RPS6KB2: variants seen among roughly 807,000 people sequenced by gnomAD.
The protein encoded by RPS6KB2 is ribosomal protein S6 kinase beta-2.
RPS6KB2 carries 51 observed loss-of-function variants against 58.2 expected under a neutral mutation model. That is an observed-to-expected ratio of 0.88 (90% CI 0.70 to 1.11). The LOEUF is 1.11. Ranked by LOEUF, RPS6KB2 falls within the 50% of genes least tolerant of loss-of-function variation. RPS6KB2 has a pLI of 0.00. For missense variants in RPS6KB2, 671 were observed against 655.8 expected, an observed-to-expected ratio of 1.02 and a Z score of -0.25; for synonymous variants, 293 against 258.6, an observed-to-expected ratio of 1.13 and a Z score of -1.28.
Position 67,433,148 on chromosome 11 carries a change from A to C in RPS6KB2, c.730A>C (p.Ser244Arg). ...CAGGGCCCCTGAGATTCTGGTGCGC[A>C]GTGGCCACAACCGGGCTGTGGACTG... ...EYMAPEILVR[S>R]GHNRAVDWWS... The change falls in exon 9 of 15, where the codon AGT becomes CGT. Residue 244 changes from serine (S) to arginine (R), a missense_variant. Ser to Arg is a moderately radical substitution (Grantham distance 110). Coordinates refer to ENST00000312629, the MANE Select transcript of RPS6KB2 (RefSeq NM_003952.3). 6.2e-7 allele frequency: 1 copy of C among 1,604,304 alleles called. No homozygotes were observed.
In RPS6KB2 at chr11:67,435,129, C is replaced by T. The variant is rs779262747; in HGVS notation, c.1409C>T (p.Thr470Ile). Residue 470 changes from threonine (T) to isoleucine (I), a missense_variant, in exon 15 of 15, where the codon ACC becomes ATC. Physicochemically the swap from Thr to Ile is moderately conservative, Grantham distance 89. Transcript: ENST00000312629. ...CTCCCCATCCGTCCCCCCTCAGGGA[C>T]CAAGAAGTCCAAGAGGGGCCGTGGG... ...APLPIRPPSG[T>I]KKSKRGRGRP... is the part of the protein sequence containing the mutation. 6.2e-7 allele frequency: 1 copy of T among 1,600,588 alleles called. No homozygotes were observed. The highest frequency in any genetic ancestry group is 1.1e-5 in the South Asian group (1 of 90,490).
chr11:67,429,534 A>G lies in RPS6KB2; in HGVS notation c.248A>G (p.Gln83Arg). 6.2e-7 allele frequency: 1 copy of G among 1,612,992 alleles called. No homozygotes were observed. The highest frequency in any genetic ancestry group is 8.5e-7 in the Non-Finnish European group (1 of 1,179,628). The change falls in exon 4 of 15, where the codon CAG becomes CGG. Residue 83 changes from glutamine (Q) to arginine (R), a missense_variant. Transcript: ENST00000312629. ...GTCTCCCCTGCCCTACAGGTGTTCC[A>G]GGTGCGAAAGGTGCAAGGCACCAAC... ...LGKGGYGKVF[Q>R]VRKVQGTNLG... is the part of the protein sequence containing the mutation.
chr11:67,433,924 G>T, intron 10 of RPS6KB2, 71 bp from the exon 11 acceptor site: 1 of 1,559,174 alleles, frequency 6.4e-7, no homozygotes, highest in Non-Finnish European at 8.8e-7. Context: ...CCCTACTCCA[G>T]CTAGCCCTGG....
chr11:67,428,654 C>T (rs1353307100), intron 1 of RPS6KB2, 31 bp downstream of exon 1: 2 of 1,581,890 alleles, frequency 1.3e-6, no homozygotes, highest in African/African-American at 1.4e-5. Context: ...CGACTGGATC[C>T]TGGAGCCGAT....
rs762687497 is a variant in RPS6KB2 at position 67,434,427 on chromosome 11, G to A, written c.1098G>A (p.Thr366=). 10 of 1,612,986 alleles carry A rather than the reference G, an allele frequency of 6.2e-6. No individual in the cohort carries two copies. The highest frequency in any genetic ancestry group is 5.0e-5 in the Admixed American group (3 of 60,008). The change falls in exon 13 of 15, where the codon ACG becomes ACA. Residue 366 remains threonine, a synonymous_variant. Coordinates refer to ENST00000312629, the MANE Select transcript of RPS6KB2 (RefSeq NM_003952.3). Reference sequence around the variant, plus strand: ...TTGATACCCGCTTCACACGGCAGACGCCGGTGGACAGTCCTGATGACACAG... The same window carrying A: ...TTGATACCCGCTTCACACGGCAGACACCGGTGGACAGTCCTGATGACACAG... ...SQFDTRFTRQ[T]PVDSPDDTAL... is the part of the protein sequence containing the mutation.
Position 67,432,834 on chromosome 11 carries a change from C to T in RPS6KB2, c.613C>T (p.Gln205Ter), listed in dbSNP as rs1007508504. Reference protein sequence around the residue: ...LKPENIMLSSQGHIKLTDFGL... With the variant: ...LKPENIMLSS ...GCCCGAGAACATCATGCTCAGCAGC[C>T]AGGGTGCGCATGTGTGTGCGGGCAG... is the stretch of plus-strand genomic sequence containing the variant. Residue 205 changes from glutamine to a stop codon, truncating the protein, a stop_gained, in exon 7 of 15, where the codon CAG becomes TAG. Coordinates refer to ENST00000312629, the MANE Select transcript of RPS6KB2 (RefSeq NM_003952.3). LOFTEE classifies it high-confidence loss of function. The T allele has an allele frequency of 6.2e-7, 1 of 1,613,460 alleles. No homozygotes were observed. The highest frequency in any genetic ancestry group is 1.3e-5 in the African/African-American group (1 of 74,920).
rs749273010 is a variant in RPS6KB2 at position 67,435,015 on chromosome 11, G to A, written c.1295G>A (p.Gly432Glu). The change falls in exon 15 of 15, where the codon GGG becomes GAG. Residue 432 changes from glycine (G) to glutamate (E), a missense_variant. By Grantham distance (98) the Gly-to-Glu change is moderately conservative. Coordinates refer to ENST00000312629, the MANE Select transcript of RPS6KB2 (RefSeq NM_003952.3). ...VSPLKFSPFE[G>E]FRPSPSLPEP... Reference sequence around the variant, plus strand: ...CCCCTCAAGTTCTCCCCTTTTGAGGGGTTTCGGCCCAGCCCCAGCCTGCCG... The same window carrying A: ...CCCCTCAAGTTCTCCCCTTTTGAGGAGTTTCGGCCCAGCCCCAGCCTGCCG... The A allele has an allele frequency of 1.2e-6, 2 of 1,613,550 alleles. No homozygotes were observed. Among genetic ancestry groups the A allele is most frequent in the Admixed American group, 3.3e-5 (2 of 60,006 alleles).
chr11:67,435,340 A>G lies in RPS6KB2; in HGVS notation c.*171A>G. 1 of 696,602 alleles carries G rather than the reference A, an allele frequency of 1.4e-6. No homozygotes were observed. Among genetic ancestry groups the G allele is most frequent in the Non-Finnish European group, 2.3e-6 (1 of 430,406 alleles). The allele number at this position is 696,602 out of a possible 1,614,324, so 43.2% of individuals were successfully genotyped here. A position where few individuals can be genotyped will look rare whatever the true frequency, so the allele number is the denominator to read the frequency against. On this transcript the variant is annotated 3_prime_UTR_variant, in exon 15 of 15. Coordinates refer to ENST00000312629, the MANE Select transcript of RPS6KB2 (RefSeq NM_003952.3). Reference sequence around the variant, plus strand: ...CTGTGCCCCTGAATCATGGGCACGGAGGGCCGCCCGCCACGCCCCGCGCTC... The same window carrying G: ...CTGTGCCCCTGAATCATGGGCACGGGGGGCCGCCCGCCACGCCCCGCGCTC...
At position 67,434,898 on chromosome 11, in the gene RPS6KB2, G is replaced by T. The variant is rs949557799; in HGVS notation, c.1269-91G>T. 3 of 1,297,488 alleles carry T rather than the reference G, an allele frequency of 2.3e-6. No individual in the cohort carries two copies. In the Admixed American group the frequency reaches 5.8e-5, roughly 25 times the overall value. 80.4% of individuals were successfully genotyped at this position (1,297,488 alleles called of 1,614,324 possible). On this transcript the variant is annotated intron_variant, in intron 14 of 14. Transcript: ENST00000312629. Reference sequence around the variant, plus strand: ...TGGAGCCCGCGGCCTGTGTGCCTGGGCAGGTGGGAAAGGCTGCCTTCCCTG... The same window carrying T: ...TGGAGCCCGCGGCCTGTGTGCCTGGTCAGGTGGGAAAGGCTGCCTTCCCTG...
chr11:67,432,908 G>A (rs1465702077), intron 7 of RPS6KB2, 44 bp from the exon 8 acceptor site: 3 of 1,609,224 alleles, frequency 1.9e-6, no homozygotes, highest in East Asian at 2.2e-5. Flanking sequence ...ACCTCTGTGG[G>A]TGGGGTGGGG....
rs140071749 is a variant in RPS6KB2, at chr11:67,434,712, G to A, written c.1268+18G>A. Reference sequence around the variant, plus strand: ...CCCGTCAGGTACTGAGGGACGTGGGGGTGTGTGGCTGGGTTAGGGACGCTG... The same window carrying A: ...CCCGTCAGGTACTGAGGGACGTGGGAGTGTGTGGCTGGGTTAGGGACGCTG... On this transcript the variant is annotated intron_variant, in intron 14 of 14. Transcript: ENST00000312629. 0.013 allele frequency: 20,217 copies of A among 1,572,782 alleles called. 2,765 individuals are homozygous for A. The Admixed American group carries it at 0.28, about 22-fold the overall frequency.
chr11:67,428,703 G>C, intron 1 of RPS6KB2, 80 bp downstream of exon 1: 1 of 1,361,046 alleles, frequency 7.3e-7, no homozygotes, highest in Non-Finnish European at 1.0e-6. Context: ...GGCTCCGCAC[G>C]CCCAGAGCGG....
chr11:67,429,040 TGGG>T lies in RPS6KB2; in HGVS notation c.119+21_119+23del. 2 of 1,581,308 alleles carry T rather than the reference TGGG, an allele frequency of 1.3e-6. No individual in the cohort carries two copies. Among genetic ancestry groups the T allele is most frequent in the East Asian group, 4.6e-5 (2 of 43,506 alleles). ...GGCCTAGAGTGAGTGAGGGTCGTGT[TGGG>T]GGAGGGGGGAATGGAGTGGGGAAGG... On this transcript the variant is annotated intron_variant, in intron 2 of 14. Transcript: ENST00000312629.
chr11:67,434,589 C>T lies in RPS6KB2; in HGVS notation c.1163C>T (p.Thr388Ile), dbSNP rs1157807829. Residue 388 changes from threonine to isoleucine, a missense_variant, in exon 14 of 15, where the codon ACA becomes ATA. Transcript: ENST00000312629. Reference sequence around the variant, plus strand: ...CCTGCCTCCGCCCCCCAGGGCTTCACATACGTGGCGCCGTCTGTCCTGGAC... The same window carrying T: ...CCTGCCTCCGCCCCCCAGGGCTTCATATACGTGGCGCCGTCTGTCCTGGAC... ...ESANQAFLGF[T>I]YVAPSVLDSI... 1.9e-6 allele frequency: 3 copies of T among 1,605,286 alleles called. No individual in the cohort carries two copies. The highest frequency in any genetic ancestry group is 2.5e-6 in the Non-Finnish European group (3 of 1,177,614).
At chr11:67,429,283 C>T (rs1433051115) in intron 3 of RPS6KB2, 43 bp downstream of exon 3, 2 of 1,606,534 alleles carry the variant, frequency 1.2e-6, no homozygotes, top group Non-Finnish European at 1.7e-6. Context: ...CAGCCTCCAT[C>T]TGGAGGCAGC....
intron 14 of RPS6KB2, 99 bp downstream of exon 14, chr11:67,434,793 G>T (rs1250584603): frequency 1.9e-6 from 2 of 1,056,758 alleles, no homozygotes; most frequent in African/African-American, 1.6e-5. Flanking sequence ...GTCGGCCAGT[G>T]TTGGCTTCGG....
At chr11:67,430,995 CAGAT>C (rs747365920) in intron 4 of RPS6KB2, 41 of 166,400 alleles carry the variant, frequency 2.5e-4, no homozygotes, top group South Asian at 5.4e-4. Flanking sequence ...AGTTAACAAA[CAGAT>C]GGATGGTCTG....
chr11:67,434,098 A>C (rs1467930089), intron 11 of RPS6KB2, 41 bp downstream of exon 11: 1 of 1,613,078 alleles, frequency 6.2e-7, no homozygotes, highest in Non-Finnish European at 8.5e-7. Flanking sequence ...CTGAGTCTCC[A>C]AGGGTGCCGG....
At chr11:67,433,541 G>T in intron 10 of RPS6KB2, 94 bp downstream of exon 10, 1 of 937,266 alleles carries the variant, frequency 1.1e-6, no homozygotes, top group Non-Finnish European at 1.7e-6. Context: ...GGGCCACCCC[G>T]GCCTGTGCAG....
Sources: allele counts gnomAD v4.1 joint callset, GRCh38; gene constraint gnomAD v4.1.1; transcripts MANE v1.5; gene names NCBI Gene and HGNC (gene_info 2026-07-23, HGNC 2026-07-21).